Variants in NOS1 observed in about 807,000 individuals in gnomAD.
NOS1 encodes the protein nitric oxide synthase 1, also known as NOS type I.
NOS1 carries 51 observed loss-of-function variants against 164.5 expected under a neutral mutation model. The observed-to-expected ratio is 0.31, with a 90% CI of 0.25 to 0.39. The LOEUF (loss-of-function observed/expected upper bound fraction) is 0.39. Among genes scored for constraint, NOS1 ranks in the 10% least tolerant of loss-of-function variants. The pLI is 1.00. For synonymous variants in NOS1, 719 were observed against 745.8 expected, an observed-to-expected ratio of 0.96 and a Z score of 0.59; for missense variants, 1,362 against 1,885.6, an observed-to-expected ratio of 0.72 and a Z score of 5.14.
At position 117,325,080 on chromosome 12, in the gene NOS1, G is replaced by A. The variant is rs913965400; in HGVS notation, c.725+5265C>T. The stretch of plus-strand genomic sequence containing the variant: ...ACCTCAGCTTGGCTCCCCGACTGGC[G>A]TGTGTGTCCTGGATCTGGGGCTCTG... On this transcript the variant is annotated intron_variant, in intron 2 of 28. Transcript: ENST00000317775. Among the ~76,000 whole-genome samples the A allele has an allele frequency of 5.9e-5, 9 of 152,316 alleles. No homozygotes were observed. The South Asian group carries it at 8.3e-4, about 14-fold the overall frequency.
In NOS1 at chr12:117,214,850, CACACACACACACACACAG is replaced by C. The variant is rs1323113653; in HGVS notation, c.*441_*458del. 8.6e-5 allele frequency: 85 copies of C among 985,240 alleles called. 1 individual carries two copies. The highest frequency in any genetic ancestry group is 9.8e-5 in the Non-Finnish European group (81 of 830,590). 61.0% of individuals were successfully genotyped at this position (985,240 alleles called of 1,614,324 possible). ...CTGGCCCATCACACACACACACACA[CACACACACACACACACAG>C]GCACGCACAACCAAAATGTCATCAT... On this transcript the variant is annotated 3_prime_UTR_variant, in exon 29 of 29. Transcript: ENST00000317775.
At position 117,212,591 on chromosome 12, in the gene NOS1, C is replaced by T. The variant is rs1956545733; in HGVS notation, c.*2718G>A. Reference sequence around the variant, plus strand: ...GTCTCATTCCTCCTGGCCAAACTCACTTTTGTGAAATGGGGCTGGAGCTGC... The same window carrying T: ...GTCTCATTCCTCCTGGCCAAACTCATTTTTGTGAAATGGGGCTGGAGCTGC... On this transcript the variant is annotated 3_prime_UTR_variant, in exon 29 of 29. Coordinates refer to ENST00000317775, the MANE Select transcript of NOS1 (RefSeq NM_000620.5). 1.0e-6 allele frequency: 1 copy of T among 985,468 alleles called. No individual in the cohort carries two copies. 61.0% of individuals were successfully genotyped at this position (985,468 alleles called of 1,614,324 possible). A position where few individuals can be genotyped will look rare whatever the true frequency, so the allele number is the denominator to read the frequency against.
At chr12:117,361,067 C>A (rs1877121508) in intron 1 of NOS1, among the ~76,000 whole-genome samples, 1 of 152,088 alleles carries the variant, frequency 6.6e-6, no homozygotes, top group Non-Finnish European at 1.5e-5. Context: ...GGGGCTCGGG[C>A]GGGAGCGGGG....
At chr12:117,235,437 C>T (rs7960451) in intron 20 of NOS1, among the ~76,000 whole-genome samples, 11,688 of 152,154 alleles carry the variant, frequency 0.077, 1,430 homozygotes, top group African/African-American at 0.26. Context: ...CAGGCTGTGG[C>T]ATCCCCAATC....
At chr12:117,250,175 G>A (rs906482250) in intron 17 of NOS1, among the ~76,000 whole-genome samples, 1 of 151,978 alleles carries the variant, frequency 6.6e-6, no homozygotes, top group Non-Finnish European at 1.5e-5. Flanking sequence ...TGCCTCACAG[G>A]TGTAAGTTAA....
intron 7 of NOS1, among the ~76,000 whole-genome samples, chr12:117,283,056 A>ATATTTTTTTT (rs1360367568): frequency 1.1e-5 from 1 of 92,954 alleles, no homozygotes; most frequent in African/African-American, 3.6e-5. Flanking sequence ...ATATATATAT[A>ATATTTTTTTT]TTTTTTTTTT....
Position 117,218,072 on chromosome 12 carries a change from A to G in NOS1, c.4263T>C (p.Ile1421=). 1 of 1,614,030 alleles carries G rather than the reference A, an allele frequency of 6.2e-7. No individual in the cohort carries two copies. Among genetic ancestry groups the G allele is most frequent in the African/African-American group, 1.3e-5 (1 of 75,028 alleles). Residue 1421 remains isoleucine (I), a synonymous_variant, in exon 28 of 29, where the codon ATT becomes ATC. Transcript: ENST00000317775. Reference sequence around the variant, plus strand: ...CATCGGTGTCTTTTTTGCTCTCTTCAATGAAGGCAATGGACTCAGATCTAA... The same window carrying G: ...CATCGGTGTCTTTTTTGCTCTCTTCGATGAAGGCAATGGACTCAGATCTAA... ...NRLRSESIAF[I]EESKKDTDEV... is the part of the protein sequence containing the mutation.
chr12:117,267,972 T>C (rs1305582127), intron 11 of NOS1, 71 bp downstream of exon 11: 31 of 1,096,264 alleles, frequency 2.8e-5, no homozygotes, highest in Non-Finnish European at 4.0e-5. Context: ...CTTGATCCTC[T>C]GCATCAAGGC....
chr12:117,305,181 G>A (rs1056502801), intron 3 of NOS1: 15 of 666,180 alleles, frequency 2.3e-5, no homozygotes, highest in African/African-American at 3.9e-5. Flanking sequence ...AGCTGATTCC[G>A]GCTGGGAGCG....
In NOS1 at chr12:117,259,086, T is replaced by A; in HGVS notation, c.2412A>T (p.Glu804Asp). Residue 804 changes from glutamate (E) to aspartate (D), a missense_variant, in exon 15 of 29, where the codon GAA becomes GAT. Transcript: ENST00000317775. The part of the protein sequence containing the change: ...EEYDIVHLEH[E>D]TLVLVVTSTF... ...TGCTGGTGACCACAAGGACCAGAGT[T>A]TCATGTTCCAGGTGCACAATGTCAT... is the stretch of plus-strand genomic sequence containing the variant. The A allele has an allele frequency of 6.2e-7, 1 of 1,614,152 alleles. No homozygotes were observed. Among genetic ancestry groups the A allele is most frequent in the South Asian group, 1.1e-5 (1 of 91,064 alleles).
In NOS1 at chr12:117,247,372, CCTGAAAG is replaced by C; in HGVS notation, c.2792_2798del (p.Ala931GlyfsTer117). 6.2e-7 allele frequency: 1 copy of C among 1,605,276 alleles called. No homozygotes were observed. Among genetic ancestry groups the C allele is most frequent in the Non-Finnish European group, 8.5e-7 (1 of 1,176,562 alleles). ...CCTTGAAGACCTTCTTGGCCCAGGT[CCTGAAAG>C]CCTCTTCCTGCCCACAGAGCTCATC... On this transcript the variant is annotated frameshift_variant, in exon 18 of 29. Coordinates refer to ENST00000317775, the MANE Select transcript of NOS1 (RefSeq NM_000620.5). LOFTEE classifies it high-confidence loss of function.
chr12:117,351,688 T>G (rs1046284986), intron 1 of NOS1, among the ~76,000 whole-genome samples: 4 of 152,248 alleles, frequency 2.6e-5, no homozygotes, highest in African/African-American at 9.6e-5. Context: ...TAGCTGCATG[T>G]GCCAAGCATT....
rs977842701 is a variant in NOS1 at position 117,210,597 on chromosome 12, G to A, written c.*4712C>T. On this transcript the variant is annotated 3_prime_UTR_variant, in exon 29 of 29. Coordinates refer to ENST00000317775, the MANE Select transcript of NOS1 (RefSeq NM_000620.5). ...CATTAGGCGCTGGTGCTGTCGGAGT[G>A]AAGGGGCTCAGGCATCTGGATTGCC... 3 of 985,540 alleles carry A rather than the reference G, an allele frequency of 3.0e-6. No individual in the cohort carries two copies. Among genetic ancestry groups the A allele is most frequent in the Non-Finnish European group, 3.6e-6 (3 of 830,004 alleles). The allele number at this position is 985,540 out of a possible 1,614,324, so 61.0% of individuals were successfully genotyped here. A position where few individuals can be genotyped will look rare whatever the true frequency, so the allele number is the denominator to read the frequency against.
intron 1 of NOS1, among the ~76,000 whole-genome samples, chr12:117,347,704 C>T (rs1298307508): frequency 2.0e-5 from 3 of 152,146 alleles, no homozygotes; most frequent in Non-Finnish European, 2.9e-5. Context: ...GGGATCCCCA[C>T]CTCCGCATGA....
In NOS1 at chr12:117,268,818, C is replaced by T. The variant is rs528273189; in HGVS notation, c.1840-674G>A. On this transcript the variant is annotated intron_variant, in intron 10 of 28. Transcript: ENST00000317775. ...TTCACCGTGTTAGCCAGGATGGTCT[C>T]GATCTCCTGACCTCATGATCCACCC... is the stretch of plus-strand genomic sequence containing the variant. Among the ~76,000 whole-genome samples, 309 of 147,892 alleles carry T rather than the reference C, an allele frequency of 2.1e-3. 1 individual carries two copies. The highest frequency in any genetic ancestry group is 7.3e-3 in the African/African-American group (292 of 40,066).
rs1305762355 is a variant in NOS1 at position 117,211,610 on chromosome 12, C to T, written c.*3699G>A. 1.0e-6 allele frequency: 1 copy of T among 985,492 alleles called. No individual in the cohort carries two copies. Among genetic ancestry groups the T allele is most frequent in the Admixed American group, 6.2e-5 (1 of 16,258 alleles). 61.0% of individuals were successfully genotyped at this position (985,492 alleles called of 1,614,324 possible). A position where few individuals can be genotyped will look rare whatever the true frequency, so the allele number is the denominator to read the frequency against. ...CTCACCCTCCTCAGCCTTCCAAAGC[C>T]AGCCTCAATTTATCTTACATGCTCC... On this transcript the variant is annotated 3_prime_UTR_variant, in exon 29 of 29. Transcript: ENST00000317775.
chr12:117,360,959 C>T (rs1877115161), intron 1 of NOS1, among the ~76,000 whole-genome samples: 1 of 152,170 alleles, frequency 6.6e-6, no homozygotes, highest in South Asian at 2.1e-4. Context: ...GACCCCCGGA[C>T]CGGAGCCCCC....
Position 117,213,511 on chromosome 12 carries a change from G to C in NOS1, c.*1798C>G, listed in dbSNP as rs1268551913. The C allele has an allele frequency of 1.0e-6, 1 of 985,324 alleles. No individual in the cohort carries two copies. The highest frequency in any genetic ancestry group is 1.2e-6 in the Non-Finnish European group (1 of 829,976). 61.0% of individuals were successfully genotyped at this position (985,324 alleles called of 1,614,324 possible). ...CAGGACACCGGTGGGGGCTGCCAGG[G>C]ATGGCAGAGCAAGGTGAGTCATAGA... On this transcript the variant is annotated 3_prime_UTR_variant, in exon 29 of 29. Transcript: ENST00000317775.
chr12:117,359,887 T>C (rs1445345416), intron 1 of NOS1, among the ~76,000 whole-genome samples: 5 of 24,076 alleles, frequency 2.1e-4, no homozygotes, highest in South Asian at 2.9e-3. Context: ...TATATATATA[T>C]ATATATATAT....
Sources: gnomAD v4.1 joint callset for allele counts (sites outside exome capture counted in the v4.1 genomes callset) on GRCh38, gnomAD v4.1.1 for gene constraint, MANE v1.5 for transcripts, NCBI Gene and HGNC (gene_info 2026-07-23, HGNC 2026-07-21) for gene names.